The following AGBL1 variants were observed in gnomAD, a reference collection of about 807,000 sequenced individuals.
The protein encoded by AGBL1 is cytosolic carboxypeptidase 4.
A neutral mutation model predicts 118.9 loss-of-function variants in AGBL1; 130 were observed. The ratio of observed to expected loss-of-function variants is 1.09; its 90% CI spans 0.95 to 1.26. The LOEUF is 1.26. Among genes scored for constraint, AGBL1 ranks in the 50% most tolerant of loss-of-function variants. AGBL1 has a pLI of 0.00. For missense variants in AGBL1, 1,584 were observed against 1,298.1 expected (o/e 1.22, Z -3.38); for synonymous variants, 555 against 478.9 (o/e 1.16, Z -2.08).
chr15:86,817,567 AAGAG>A (rs1396323227), intron 22 of AGBL1, among the ~76,000 whole-genome samples: 1 of 82,810 alleles, frequency 1.2e-5, no homozygotes, highest in African/African-American at 4.4e-5. Context: ...GAGAGAGAGA[AAGAG>A]ACAGACACAC....
At chr15:86,928,369 G>C (rs530941464) in intron 23 of AGBL1, among the ~76,000 whole-genome samples, 19 of 152,278 alleles carry the variant, frequency 1.2e-4, no homozygotes, top group African/African-American at 3.9e-4. Context: ...GCCTAAGAGA[G>C]GCCCTGTCTG....
At chr15:86,149,657 G>A (rs1436139633) in intron 3 of AGBL1, among the ~76,000 whole-genome samples, 3 of 152,280 alleles carry the variant, frequency 2.0e-5, no homozygotes, top group East Asian at 1.9e-4. Context: ...AAGAGACTTA[G>A]ACTCCCACAC....
At chr15:86,518,278 A>C (rs114816966) in intron 18 of AGBL1, among the ~76,000 whole-genome samples, 3,427 of 152,002 alleles carry the variant, frequency 0.023, 70 homozygotes, top group Middle Eastern at 0.071. Flanking sequence ...CGGTTATGTT[A>C]CTTGTTTCCC....
intron 20 of AGBL1, among the ~76,000 whole-genome samples, chr15:86,552,011 G>T (rs2142265525): frequency 6.6e-6 from 1 of 152,284 alleles, no homozygotes; most frequent in South Asian, 2.1e-4. Flanking sequence ...GAACACAGGG[G>T]ATTCTTAGGG....
At chr15:86,743,558 C>T (rs1179038085) in intron 22 of AGBL1, among the ~76,000 whole-genome samples, 3 of 152,022 alleles carry the variant, frequency 2.0e-5, no homozygotes, top group African/African-American at 2.4e-5. Flanking sequence ...CACTGGGGAG[C>T]GTTCTTACCT....
chr15:86,845,464 T>C (rs2079305236), intron 22 of AGBL1, among the ~76,000 whole-genome samples: 1 of 152,162 alleles, frequency 6.6e-6, no homozygotes, highest in Non-Finnish European at 1.5e-5. Context: ...TTAGTCATGA[T>C]GTACAATCCT....
At chr15:86,138,828 TAGAA>T (rs1158586335) in intron 1 of AGBL1, among the ~76,000 whole-genome samples, 1 of 152,310 alleles carries the variant, frequency 6.6e-6, no homozygotes, top group East Asian at 1.9e-4. Context: ...CTCCTCTTCA[TAGAA>T]AGATGAGCTG....
At chr15:86,719,066 A>G (rs2086678988) in intron 22 of AGBL1, among the ~76,000 whole-genome samples, 1 of 152,158 alleles carries the variant, frequency 6.6e-6, no homozygotes, top group Non-Finnish European at 1.5e-5. Context: ...AAAAAAGTTC[A>G]TGGGAATGGC....
chr15:86,790,332 T>C (rs2078473088), intron 22 of AGBL1, among the ~76,000 whole-genome samples: 1 of 150,402 alleles, frequency 6.6e-6, no homozygotes, highest in Admixed American at 6.6e-5. Context: ...TGGGTATATT[T>C]TTGTCCTTCA....
At chr15:86,849,087 T>C (rs1429781521) in intron 22 of AGBL1, among the ~76,000 whole-genome samples, 1 of 152,204 alleles carries the variant, frequency 6.6e-6, no homozygotes, top group Non-Finnish European at 1.5e-5. Context: ...CTACTCACTG[T>C]CTAGTGAGGA....
At chr15:86,747,729 T>G (rs2141247357) in intron 22 of AGBL1, among the ~76,000 whole-genome samples, 1 of 152,240 alleles carries the variant, frequency 6.6e-6, no homozygotes, top group South Asian at 2.1e-4. Flanking sequence ...ACATGTGGTG[T>G]TTGGTTTTCT....
In AGBL1 at chr15:86,257,992, A is replaced by C. The variant is rs764881820; in HGVS notation, c.930A>C (p.Glu310Asp). 1.2e-6 allele frequency: 2 copies of C among 1,613,668 alleles called. No individual in the cohort carries two copies. The highest frequency in any genetic ancestry group is 2.7e-5 in the African/African-American group (2 of 74,932). Residue 310 changes from glutamate to aspartate, a missense_variant, in exon 9 of 23, where the codon GAA becomes GAC. Physicochemically the swap from Glu to Asp is conservative, Grantham distance 45. Coordinates refer to ENST00000614907, the MANE Select transcript of AGBL1 (RefSeq NM_001386094.1). ...EEDFEDDGDD[E>D]VDKDSDTEDG... ...ATTTTGAAGATGATGGCGATGATGA[A>C]GTGGACAAAGACTCTGATACTGAAG...
intron 22 of AGBL1, among the ~76,000 whole-genome samples, chr15:86,894,482 A>G (rs1368551974): frequency 6.6e-6 from 1 of 152,144 alleles, no homozygotes; most frequent in Admixed American, 6.6e-5. Context: ...GCTCTCTGGC[A>G]TGTAGAATGC....
intron 24 of AGBL1, among the ~76,000 whole-genome samples, chr15:87,013,310 TTGTTATTTTTC>T (rs1001306630): frequency 5.9e-5 from 9 of 152,094 alleles, no homozygotes; most frequent in African/African-American, 2.2e-4. Context: ...CCTGGTCTCT[TTGTTATTTTTC>T]AGTGAATTTT....
chr15:86,743,232 A>G (rs991429093), intron 22 of AGBL1, among the ~76,000 whole-genome samples: 1 of 152,038 alleles, frequency 6.6e-6, no homozygotes, highest in African/African-American at 2.4e-5. Flanking sequence ...CATCTACTTA[A>G]GTGGGCTATT....
At chr15:86,766,407 G>A (rs1430486364) in intron 22 of AGBL1, among the ~76,000 whole-genome samples, 1 of 151,958 alleles carries the variant, frequency 6.6e-6, no homozygotes, top group Non-Finnish European at 1.5e-5. Flanking sequence ...TGGTATAAAT[G>A]GAGGATTTTG....
intron 6 of AGBL1, among the ~76,000 whole-genome samples, chr15:86,237,834 A>G (rs114237330): frequency 6.6e-6 from 1 of 152,156 alleles, no homozygotes; most frequent in Admixed American, 6.5e-5. Flanking sequence ...ATGAGTCTCA[A>G]AATGGTGGGG....
intron 5 of AGBL1, among the ~76,000 whole-genome samples, chr15:86,180,890 T>C (rs1196540927): frequency 1.3e-5 from 2 of 152,096 alleles, no homozygotes; most frequent in Non-Finnish European, 2.9e-5. Context: ...AGAGAAGATA[T>C]ACAGATAGCA....
chr15:86,748,510 CTTTTTTTTTTTTTTTTT>C (rs752203969), intron 22 of AGBL1, among the ~76,000 whole-genome samples: 10 of 9,776 alleles, frequency 1.0e-3, no homozygotes, highest in African/African-American at 1.3e-3. Flanking sequence ...TCAATTTTGG[CTTTTTTTTTTTTTTTTT>C]TTTTTTTTTT....
Sources: gnomAD v4.1 joint callset for allele counts (sites outside exome capture counted in the v4.1 genomes callset) on GRCh38, gnomAD v4.1.1 for gene constraint, MANE v1.5 for transcripts, NCBI Gene and HGNC (gene_info 2026-07-23, HGNC 2026-07-21) for gene names.